RANBP2: variants seen among roughly 807,000 people sequenced by gnomAD.
RANBP2 encodes the protein E3 SUMO-protein ligase RanBP2.
Under a neutral mutation model 303.6 loss-of-function variants are expected in RANBP2, and 57 were observed. That is an observed-to-expected ratio of 0.19 (90% CI 0.15 to 0.23). The LOEUF is 0.23. Ranked by LOEUF, RANBP2 falls within the 10% of genes least tolerant of loss-of-function variation. The pLI is 1.00. For missense variants in RANBP2, 3,138 were observed against 3,780.8 expected (o/e 0.83, Z 4.46); for synonymous variants, 1,167 against 1,301.5 (o/e 0.90, Z 2.23).
the RANBP2 span, chr2:108,896,613 T>C: frequency 1.5e-5 from 6 of 411,750 alleles, no homozygotes; most frequent in Admixed American, 2.3e-4. Flanking sequence ...CAACATTGTC[T>C]CATTGTTCAG....
At chr2:109,217,479 A>C in the RANBP2 span, among the ~76,000 whole-genome samples, 2 of 152,078 alleles carry the variant, frequency 1.3e-5, no homozygotes, top group East Asian at 3.9e-4. Flanking sequence ...AAATAGACTC[A>C]CTCCACATCT....
the RANBP2 span, among the ~76,000 whole-genome samples, chr2:109,402,856 C>T: frequency 6.6e-6 from 1 of 152,154 alleles, no homozygotes; most frequent in South Asian, 2.1e-4. Context: ...TTATTGAATC[C>T]TCATTGAACG....
At chr2:109,379,709 A>G in the RANBP2 span, among the ~76,000 whole-genome samples, 3 of 152,168 alleles carry the variant, frequency 2.0e-5, no homozygotes, top group South Asian at 2.1e-4. Context: ...GTGGATGCCA[A>G]TCCTGCTTGC....
At chr2:109,561,069 C>T in the RANBP2 span, among the ~76,000 whole-genome samples, 1 of 139,746 alleles carries the variant, frequency 7.2e-6, no homozygotes, top group Non-Finnish European at 1.5e-5. Context: ...GCGTTGCCTT[C>T]CCCTTAGGAC....
chr2:109,478,880 T>C, the RANBP2 span, among the ~76,000 whole-genome samples: 2 of 152,148 alleles, frequency 1.3e-5, no homozygotes, highest in Non-Finnish European at 2.9e-5. Context: ...CATAGTTTCT[T>C]TGTGAAACTC....
chr2:109,388,520 G>A, the RANBP2 span, among the ~76,000 whole-genome samples: 78,719 of 151,568 alleles, frequency 0.52, 20,837 homozygotes, highest in South Asian at 0.61. Flanking sequence ...TGTCTGAAGT[G>A]TGATGTGAGT....
At chr2:108,756,842 C>T (rs1676352440) in intron 17 of RANBP2, among the ~76,000 whole-genome samples, 2 of 152,174 alleles carry the variant, frequency 1.3e-5, no homozygotes, top group African/African-American at 4.8e-5. Context: ...ACAGTTACAG[C>T]AGTGATTGCA....
the RANBP2 span, among the ~76,000 whole-genome samples, chr2:109,167,261 T>C: frequency 2.0e-5 from 3 of 152,206 alleles, no homozygotes; most frequent in Non-Finnish European, 4.4e-5. Context: ...GCTACCAATT[T>C]ATGTAGCTGC....
chr2:108,783,193 T>C (rs1317520055), intron 28 of RANBP2, among the ~76,000 whole-genome samples: 1 of 151,370 alleles, frequency 6.6e-6, no homozygotes, highest in Non-Finnish European at 1.5e-5. Context: ...ATACAAAAAT[T>C]AGCCAGGTGT....
the RANBP2 span, among the ~76,000 whole-genome samples, chr2:109,148,663 G>A: frequency 6.6e-6 from 1 of 152,234 alleles, no homozygotes; most frequent in African/African-American, 2.4e-5. Flanking sequence ...AAATGTGAAA[G>A]GGATAATTTC....
the RANBP2 span, among the ~76,000 whole-genome samples, chr2:109,464,509 T>TA: frequency 8.5e-5 from 13 of 152,128 alleles, no homozygotes; most frequent in African/African-American, 2.9e-4. Context: ...CACAAATACA[T>TA]ACATGCATAC....
chr2:109,319,503 A>G, the RANBP2 span, among the ~76,000 whole-genome samples: 2 of 152,126 alleles, frequency 1.3e-5, no homozygotes, highest in African/African-American at 4.8e-5. Flanking sequence ...ACGGTGGTCA[A>G]GAGAAACACA....
chr2:108,934,474 C>T, the RANBP2 span, among the ~76,000 whole-genome samples: 175 of 152,300 alleles, frequency 1.1e-3, no homozygotes, highest in Middle Eastern at 0.02. Context: ...ACTGAGCTCC[C>T]ATATTTGTGA....
At chr2:109,521,189 G>T in the RANBP2 span, among the ~76,000 whole-genome samples, 4,158 of 151,198 alleles carry the variant, frequency 0.028, 204 homozygotes, top group African/African-American at 0.095. Flanking sequence ...CTGCACTCCA[G>T]CCTGGGTGAC....
chr2:109,708,738 AG>A, the RANBP2 span, among the ~76,000 whole-genome samples: 1 of 152,212 alleles, frequency 6.6e-6, no homozygotes, highest in Non-Finnish European at 1.5e-5. Flanking sequence ...GCACCTTGGG[AG>A]GCTGAGGCAG....
the RANBP2 span, among the ~76,000 whole-genome samples, chr2:109,691,022 C>G: frequency 2.0e-5 from 3 of 152,112 alleles, no homozygotes; most frequent in Admixed American, 6.5e-5. Context: ...CCATAAACAC[C>G]AGAGCAATCA....
chr2:108,738,668 GC>G (rs1695825814), intron 6 of RANBP2, among the ~76,000 whole-genome samples: 1 of 106,040 alleles, frequency 9.4e-6, no homozygotes, highest in Non-Finnish European at 1.9e-5. Context: ...TGCTCTTGTT[GC>G]CCAGGCTAGA....
At chr2:109,695,896 G>C in the RANBP2 span, among the ~76,000 whole-genome samples, 1 of 151,956 alleles carries the variant, frequency 6.6e-6, no homozygotes, top group Admixed American at 6.6e-5. Flanking sequence ...AGGATTTGGG[G>C]GGAACTTCTC....
Position 108,772,852 on chromosome 2 carries a change from T to C in RANBP2, c.8114-16T>C, listed in dbSNP as rs761742093. 5 of 1,612,716 alleles carry C rather than the reference T, an allele frequency of 3.1e-6. No individual in the cohort carries two copies. The highest frequency in any genetic ancestry group is 4.2e-6 in the Non-Finnish European group (5 of 1,179,106). The stretch of plus-strand genomic sequence containing the variant: ...TTCATCTAATTTCGTTTGCTTGTGT[T>C]GTACTGATTTTTCAGATAATGAGAA... On this transcript the variant is annotated splice_polypyrimidine_tract_variant and intron_variant, in intron 22 of 28. Coordinates refer to ENST00000283195, the MANE Select transcript of RANBP2 (RefSeq NM_006267.5).
Sources: gnomAD v4.1 joint callset for allele counts (sites outside exome capture counted in the v4.1 genomes callset) on GRCh38, gnomAD v4.1.1 for gene constraint, MANE v1.5 for transcripts, NCBI Gene and HGNC (gene_info 2026-07-23, HGNC 2026-07-21) for gene names.